CSMD1: variants seen among roughly 807,000 people sequenced by gnomAD.
CSMD1 encodes CUB and sushi domain-containing protein 1.
Under a neutral mutation model 417.5 loss-of-function variants are expected in CSMD1, and 213 were observed. The observed-to-expected ratio is 0.51, with a 90% CI of 0.46 to 0.57. CSMD1 has a LOEUF of 0.57. CSMD1 is among the 20% of genes least tolerant of loss of function. The pLI is 0.00. For missense variants in CSMD1, 6,923 were observed against 4,529.7 expected (o/e 1.53, Z -15.17); for synonymous variants, 2,862 against 1,736.8 (o/e 1.65, Z -16.11).
intron 3 of CSMD1, among the ~76,000 whole-genome samples, chr8:4,244,944 A>G (rs1339071393): frequency 6.6e-6 from 1 of 152,320 alleles, no homozygotes; most frequent in East Asian, 1.9e-4. Flanking sequence ...CATTGCTTGA[A>G]AACAAATAAA....
intron 5 of CSMD1, among the ~76,000 whole-genome samples, chr8:3,832,171 A>T (rs559147606): frequency 6.6e-6 from 1 of 152,166 alleles, no homozygotes; most frequent in African/African-American, 2.4e-5. Context: ...TAAGAAAGGC[A>T]AACAGCCGTG....
At chr8:3,963,922 C>G (rs185909527) in intron 5 of CSMD1, among the ~76,000 whole-genome samples, 2 of 152,268 alleles carry the variant, frequency 1.3e-5, no homozygotes, top group East Asian at 3.9e-4. Context: ...TCCCAAATTT[C>G]CTCCCTTTCA....
intron 3 of CSMD1, among the ~76,000 whole-genome samples, chr8:4,149,169 G>C (rs1796438332): frequency 6.6e-6 from 1 of 151,986 alleles, no homozygotes; most frequent in Non-Finnish European, 1.5e-5. Flanking sequence ...TTCCCATGTT[G>C]GCTAGGCTGG....
chr8:3,221,225 G>C (rs1798193022), intron 28 of CSMD1, among the ~76,000 whole-genome samples: 1 of 152,038 alleles, frequency 6.6e-6, no homozygotes, highest in African/African-American at 2.4e-5. Context: ...TTTGGGTCAA[G>C]GATACCCTCA....
chr8:3,774,548 C>G (rs533565147), intron 5 of CSMD1, among the ~76,000 whole-genome samples: 5 of 152,142 alleles, frequency 3.3e-5, no homozygotes, highest in Non-Finnish European at 7.3e-5. Context: ...TTTCATTCCC[C>G]TCCTTAGTGG....
chr8:3,804,970 A>C (rs1310659627), intron 5 of CSMD1, among the ~76,000 whole-genome samples: 1 of 152,288 alleles, frequency 6.6e-6, no homozygotes, highest in African/African-American at 2.4e-5. Flanking sequence ...CCAGAGAAGC[A>C]ATTGTTCGTT....
intron 3 of CSMD1, among the ~76,000 whole-genome samples, chr8:4,109,663 C>T (rs937270472): frequency 6.6e-6 from 1 of 152,060 alleles, no homozygotes; most frequent in Non-Finnish European, 1.5e-5. Context: ...GTTTGTTGTC[C>T]ATTATCATTA....
intron 7 of CSMD1, among the ~76,000 whole-genome samples, chr8:3,676,013 T>G (rs771949629): frequency 6.6e-6 from 1 of 152,230 alleles, no homozygotes; most frequent in Non-Finnish European, 1.5e-5. Context: ...TGGTTTGGCC[T>G]TAGTATCTTA....
rs543247760 is a variant in CSMD1 at position 4,135,708 on chromosome 8, A to C, written c.416-103609T>G. ...TTATTAGTCAGGATATTATTATTGTAATAATATAATTCAGTCACCAATTTA... is the reference window on the plus strand; with the variant it reads ...TTATTAGTCAGGATATTATTATTGTCATAATATAATTCAGTCACCAATTTA... On this transcript the variant is annotated intron_variant, in intron 3 of 69. Coordinates refer to ENST00000635120, the MANE Select transcript of CSMD1 (RefSeq NM_033225.6). 3.9e-5 allele frequency among the ~76,000 whole-genome samples: 6 copies of C among 152,312 alleles called. No individual in the cohort carries two copies. In the South Asian group the frequency reaches 1.2e-3, roughly 32 times the overall value.
chr8:4,618,262 T>C (rs1801586096), intron 2 of CSMD1, among the ~76,000 whole-genome samples: 2 of 150,646 alleles, frequency 1.3e-5, no homozygotes. Context: ...TGTGCTTCAA[T>C]GGCGCCTCTT....
chr8:3,199,759 C>A lies in CSMD1; in HGVS notation c.5149G>T (p.Ala1717Ser). The A allele has an allele frequency of 6.3e-7, 1 of 1,588,462 alleles. No individual in the cohort carries two copies. The highest frequency in any genetic ancestry group is 2.3e-5 in the East Asian group (1 of 43,846). The change falls in exon 33 of 70, where the codon GCA becomes TCA. Residue 1717 changes from alanine (A) to serine (S), a missense_variant. Transcript: ENST00000635120. ...CCGCGGGCAGAGGCACCGCTCTTTG[C>A]ACTGAATCGGAGCAGAATTTGATTT... ...TSNQILLRFS[A>S]KSGASARGFH...
At chr8:4,896,977 T>C (rs890762686) in intron 1 of CSMD1, among the ~76,000 whole-genome samples, 4 of 152,132 alleles carry the variant, frequency 2.6e-5, no homozygotes, top group African/African-American at 9.7e-5. Context: ...ATTTCTTTCA[T>C]TTTTGTGATG....
intron 52 of CSMD1, among the ~76,000 whole-genome samples, chr8:3,003,727 G>C (rs948336557): frequency 2.0e-5 from 3 of 152,186 alleles, no homozygotes; most frequent in Non-Finnish European, 4.4e-5. Context: ...TAGCAGGCTG[G>C]GAACGAGTGG....
chr8:3,170,025 G>A (rs1203071774), intron 37 of CSMD1, among the ~76,000 whole-genome samples: 1 of 152,194 alleles, frequency 6.6e-6, no homozygotes, highest in East Asian at 1.9e-4. Context: ...CCCAGCCAAT[G>A]GGGAAAGGAC....
At chr8:3,469,473 A>G (rs946805671) in intron 11 of CSMD1, among the ~76,000 whole-genome samples, 1 of 152,230 alleles carries the variant, frequency 6.6e-6, no homozygotes, top group East Asian at 1.9e-4. Context: ...GTGAGTTTCA[A>G]TGAAGCATTC....
chr8:3,125,903 G>C (rs192543930), intron 41 of CSMD1, among the ~76,000 whole-genome samples: 5 of 152,308 alleles, frequency 3.3e-5, no homozygotes, highest in African/African-American at 1.2e-4. Flanking sequence ...CCTCAACCCA[G>C]GAGGCAGAGG....
At chr8:3,460,297 A>T (rs1816412681) in intron 12 of CSMD1, among the ~76,000 whole-genome samples, 1 of 152,150 alleles carries the variant, frequency 6.6e-6, no homozygotes, top group Non-Finnish European at 1.5e-5. Context: ...AAAAGAGAGG[A>T]AAAAAGGAAG....
chr8:4,072,711 T>A (rs1019110657), intron 3 of CSMD1, among the ~76,000 whole-genome samples: 2 of 152,204 alleles, frequency 1.3e-5, no homozygotes, highest in Non-Finnish European at 2.9e-5. Context: ...GAATTGGGAA[T>A]ACAGAAATGA....
intron 7 of CSMD1, among the ~76,000 whole-genome samples, chr8:3,675,813 G>A (rs1256964790): frequency 1.3e-5 from 2 of 152,178 alleles, no homozygotes; most frequent in Admixed American, 6.5e-5. Context: ...TGTTATAGCA[G>A]CCAGAGTTGA....
Sources: allele counts gnomAD v4.1 joint callset (sites outside exome capture counted in the v4.1 genomes callset), GRCh38; gene constraint gnomAD v4.1.1; transcripts MANE v1.5; gene names NCBI Gene and HGNC (gene_info 2026-07-23, HGNC 2026-07-21).